The following RAD51B variants were observed in gnomAD, a reference collection of about 807,000 sequenced individuals.
The protein encoded by RAD51B is DNA repair protein RAD51 homolog 2.
RAD51B carries 38 observed loss-of-function variants against 42.2 expected under a neutral mutation model. The ratio of observed to expected loss-of-function variants is 0.90; its 90% CI spans 0.70 to 1.18. The LOEUF is 1.18. Among genes scored for constraint, RAD51B ranks in the 50% most tolerant of loss-of-function variants. The pLI is 0.00. For missense variants in RAD51B, 373 were observed against 400.7 expected (o/e 0.93, Z 0.59); for synonymous variants, 154 against 145.2 (o/e 1.06, Z -0.43).
intron 7 of RAD51B, among the ~76,000 whole-genome samples, chr14:67,925,947 A>C (rs1212380994): frequency 6.6e-6 from 1 of 152,144 alleles, no homozygotes; most frequent in Non-Finnish European, 1.5e-5. Context: ...CCTGGGCTGC[A>C]CACAGCCTGG....
intron 8 of RAD51B, among the ~76,000 whole-genome samples, chr14:68,365,729 T>C (rs2083129095): frequency 6.6e-6 from 1 of 152,250 alleles, no homozygotes; most frequent in South Asian, 2.1e-4. Flanking sequence ...GTATAAACTG[T>C]ATGGCAGTCT....
intron 5 of RAD51B, among the ~76,000 whole-genome samples, chr14:67,868,465 C>A (rs2042402575): frequency 6.6e-6 from 1 of 150,770 alleles, no homozygotes; most frequent in Admixed American, 6.6e-5. Context: ...ATTGCTAGCA[C>A]AGCAGTCTGA....
chr14:68,574,543 A>G (rs927836516), intron 10 of RAD51B, among the ~76,000 whole-genome samples: 2 of 152,028 alleles, frequency 1.3e-5, no homozygotes. Context: ...CCTCCCACCC[A>G]TTGCTTTAGC....
chr14:68,427,860 A>G (rs1395447930), intron 9 of RAD51B, among the ~76,000 whole-genome samples: 1 of 152,218 alleles, frequency 6.6e-6, no homozygotes, highest in African/African-American at 2.4e-5. Context: ...CATGTCCCAA[A>G]AAATACATGT....
intron 7 of RAD51B, among the ~76,000 whole-genome samples, chr14:68,207,005 T>C (rs2079603908): frequency 6.6e-6 from 1 of 152,098 alleles, no homozygotes; most frequent in Non-Finnish European, 1.5e-5. Context: ...TTAGCCAGGA[T>C]AGTCTCGATC....
intron 10 of RAD51B, among the ~76,000 whole-genome samples, chr14:68,570,127 C>G (rs559064300): frequency 6.6e-6 from 1 of 152,174 alleles, no homozygotes; most frequent in Non-Finnish European, 1.5e-5. Flanking sequence ...GCTGTGCCAG[C>G]GAGAGAGGAG....
chr14:67,880,648 T>G (rs2042876263), intron 5 of RAD51B, among the ~76,000 whole-genome samples: 1 of 152,192 alleles, frequency 6.6e-6, no homozygotes, highest in African/African-American at 2.4e-5. Flanking sequence ...CCATCATATA[T>G]ATAATTTTTT....
chr14:68,306,903 G>T (rs2081876883), intron 8 of RAD51B, among the ~76,000 whole-genome samples: 1 of 152,176 alleles, frequency 6.6e-6, no homozygotes, highest in Admixed American at 6.5e-5. Flanking sequence ...GGAGAAAGGA[G>T]ATGACTTCTG....
rs112886411 is a variant in RAD51B, at chr14:68,442,786, A to ATATTATTAT, written c.958-25369_958-25361dup. 6.7e-3 allele frequency among the ~76,000 whole-genome samples: 1,014 copies of ATATTATTAT among 150,628 alleles called. 4 individuals carry two copies. The highest frequency in any genetic ancestry group is 9.9e-3 in the Non-Finnish European group (667 of 67,594). ...CATTTATTCTTTATGCTAACCTGTG[A>ATATTATTAT]TATTATTATTATTATTATTATTATT... On this transcript the variant is annotated intron_variant, in intron 9 of 10. Coordinates refer to ENST00000471583, the MANE Select transcript of RAD51B (RefSeq NM_133510.4).
intron 7 of RAD51B, among the ~76,000 whole-genome samples, chr14:67,985,102 T>C (rs1020287900): frequency 2.4e-4 from 37 of 152,296 alleles, no homozygotes; most frequent in African/African-American, 7.5e-4. Flanking sequence ...GTTAAAAAAA[T>C]TATTTTGAAA....
intron 5 of RAD51B, among the ~76,000 whole-genome samples, chr14:67,874,120 TAAAG>T (rs1388138103): frequency 3.3e-5 from 5 of 151,970 alleles, no homozygotes; most frequent in South Asian, 2.1e-4. Context: ...AAAAATGTAT[TAAAG>T]AAAACAAGAA....
intron 10 of RAD51B, among the ~76,000 whole-genome samples, chr14:68,605,965 A>G (rs1891429079): frequency 6.6e-6 from 1 of 152,152 alleles, no homozygotes; most frequent in Non-Finnish European, 1.5e-5. Context: ...CCAGGGACAT[A>G]GACACTCTCA....
intron 7 of RAD51B, among the ~76,000 whole-genome samples, chr14:68,032,693 C>T (rs73284243): frequency 0.03 from 4,524 of 152,268 alleles, 237 homozygotes; most frequent in African/African-American, 0.1. Context: ...TCCCCTTTGC[C>T]ACACTATTCC....
At chr14:67,951,070 A>T (rs1253973970) in intron 7 of RAD51B, among the ~76,000 whole-genome samples, 2 of 152,196 alleles carry the variant, frequency 1.3e-5, no homozygotes, top group African/African-American at 4.8e-5. Context: ...ATAATGAAAA[A>T]GTTTGAAATA....
At chr14:68,162,615 C>G (rs1417736183) in intron 7 of RAD51B, among the ~76,000 whole-genome samples, 1 of 152,122 alleles carries the variant, frequency 6.6e-6, no homozygotes, top group East Asian at 1.9e-4. Flanking sequence ...GAAACCCCGT[C>G]TTGACTAAAA....
chr14:68,003,234 G>A (rs997206543), intron 7 of RAD51B, among the ~76,000 whole-genome samples: 4 of 152,140 alleles, frequency 2.6e-5, no homozygotes, highest in African/African-American at 4.8e-5. Context: ...TCCTTGAAGA[G>A]GTCCTTCACT....
chr14:67,993,837 A>AT (rs2140297275), intron 7 of RAD51B, among the ~76,000 whole-genome samples: 1 of 152,290 alleles, frequency 6.6e-6, no homozygotes, highest in African/African-American at 2.4e-5. Flanking sequence ...CTAGTAAACA[A>AT]TTATTACTTT....
At chr14:68,154,126 C>T (rs1298073731) in intron 7 of RAD51B, among the ~76,000 whole-genome samples, 1 of 152,104 alleles carries the variant, frequency 6.6e-6, no homozygotes, top group Non-Finnish European at 1.5e-5. Context: ...TTTTGCATGC[C>T]TGGTTATCTT....
downstream of RAD51B, among the ~76,000 whole-genome samples, chr14:68,597,478 C>T (rs560541391): frequency 7.9e-5 from 12 of 152,298 alleles, no homozygotes; most frequent in African/African-American, 2.4e-4. Context: ...AGAACAAGAT[C>T]GTGTCTCTTG....
Sources: gnomAD v4.1 joint callset for allele counts (sites outside exome capture counted in the v4.1 genomes callset) on GRCh38, gnomAD v4.1.1 for gene constraint, MANE v1.5 for transcripts, NCBI Gene and HGNC (gene_info 2026-07-23, HGNC 2026-07-21) for gene names.